PI4KA: variants seen among roughly 807,000 people sequenced by gnomAD.
PI4KA encodes PI4-kinase alpha.
A neutral mutation model predicts 271.4 loss-of-function variants in PI4KA; 122 were observed. The ratio of observed to expected loss-of-function variants is 0.45; its 90% CI spans 0.39 to 0.52. PI4KA has a LOEUF of 0.52. Ranked by LOEUF, PI4KA falls within the 20% of genes least tolerant of loss-of-function variation. PI4KA has a pLI of 0.00. For synonymous variants in PI4KA, 1,041 were observed against 1,078.8 expected, an observed-to-expected ratio of 0.96 and a Z score of 0.69; for missense variants, 1,969 against 2,769.1, an observed-to-expected ratio of 0.71 and a Z score of 6.48.
At chr22:20,771,470 G>T (rs187153456) in intron 19 of PI4KA, among the ~76,000 whole-genome samples, 1 of 151,920 alleles carries the variant, frequency 6.6e-6, no homozygotes, top group Admixed American at 6.6e-5. Flanking sequence ...ATGGGAAAAT[G>T]ACTGAAAAAT....
chr22:20,844,709 T>A (rs1926032311), intron 1 of PI4KA, among the ~76,000 whole-genome samples: 1 of 152,166 alleles, frequency 6.6e-6, no homozygotes, highest in Non-Finnish European at 1.5e-5. Context: ...ATTCTCCAAA[T>A]AATGACAGCT....
intron 17 of PI4KA, among the ~76,000 whole-genome samples, chr22:20,796,588 T>C (rs1016074526): frequency 6.6e-6 from 1 of 152,258 alleles, no homozygotes; most frequent in African/African-American, 2.4e-5. Context: ...GTTCTAGGCA[T>C]CTGCAACACT....
intron 16 of PI4KA, 144 bp from the exon 17 acceptor site, chr22:20,798,831 T>C: frequency 1.5e-6 from 1 of 655,520 alleles, no homozygotes; most frequent in South Asian, 1.8e-5. Flanking sequence ...TCTAAAGCTT[T>C]AATCAAACCT....
chr22:20,845,968 C>T (rs1033631272), intron 1 of PI4KA, among the ~76,000 whole-genome samples: 15 of 152,166 alleles, frequency 9.9e-5, no homozygotes, highest in Non-Finnish European at 1.3e-4. Flanking sequence ...GATTAAGATA[C>T]GAAAATCAGC....
chr22:20,770,582 A>G (rs1406830569), intron 19 of PI4KA, among the ~76,000 whole-genome samples: 2 of 4,008 alleles, frequency 5.0e-4, no homozygotes. Context: ...GGACACGGAC[A>G]CACACACACA....
At chr22:20,708,139 A>C in intron 54 of PI4KA, 41 bp from the exon 55 acceptor site, 1 of 1,568,522 alleles carries the variant, frequency 6.4e-7, no homozygotes, top group African/African-American at 1.3e-5. Context: ...TCGAGGAGCC[A>C]GCAGGGTCTG....
chr22:20,775,993 G>A (rs1381855581), intron 19 of PI4KA, among the ~76,000 whole-genome samples: 1 of 152,194 alleles, frequency 6.6e-6, no homozygotes, highest in East Asian at 1.9e-4. Flanking sequence ...TTCAGAAACT[G>A]GGCCCAGTTC....
At chr22:20,822,192 G>A (rs1166689214) in intron 4 of PI4KA, among the ~76,000 whole-genome samples, 5 of 152,152 alleles carry the variant, frequency 3.3e-5, no homozygotes, top group African/African-American at 1.2e-4. Context: ...TTACAGGCAT[G>A]TGTCACTATG....
chr22:20,792,439 C>T (rs567182971), intron 19 of PI4KA, among the ~76,000 whole-genome samples: 1 of 152,274 alleles, frequency 6.6e-6, no homozygotes, highest in East Asian at 1.9e-4. Flanking sequence ...GAAGGGGACA[C>T]ATGCAAGTGC....
At chr22:20,773,282 G>A (rs1932980024) in intron 19 of PI4KA, among the ~76,000 whole-genome samples, 1 of 128,412 alleles carries the variant, frequency 7.8e-6, no homozygotes, top group Non-Finnish European at 1.7e-5. Context: ...AGCCACTCAG[G>A]AGGCTGAGGC....
Position 20,764,866 on chromosome 22 carries a change from A to T in PI4KA, c.2659T>A (p.Phe887Ile), listed in dbSNP as rs758993595. Residue 887 changes from phenylalanine (F) to isoleucine (I), a missense_variant, in exon 22 of 55, where the codon TTC (phenylalanine) becomes ATC (isoleucine). Phe to Ile is a conservative substitution (Grantham distance 21). This residue lies in a region of PI4KA where 368 missense variants were observed against 544.3 expected (regional missense o/e 0.68). Transcript: ENST00000255882. ...GAGAGGAGGTAGGTGGACATGGCGAAGTCCAGCTTGTTGATGAGTGCGGAC... is the reference window on the plus strand; with the variant it reads ...GAGAGGAGGTAGGTGGACATGGCGATGTCCAGCTTGTTGATGAGTGCGGAC... ...EVSALINKLDFAMSTYLLSVY... is the reference protein window; with the variant it reads ...EVSALINKLDIAMSTYLLSVY... 1.9e-6 allele frequency: 3 copies of T among 1,613,686 alleles called. No individual in the cohort carries two copies. Among genetic ancestry groups the T allele is most frequent in the Non-Finnish European group, 2.5e-6 (3 of 1,179,762 alleles).
chr22:20,742,110 T>G, intron 32 of PI4KA, 118 bp downstream of exon 32: 6 of 1,004,530 alleles, frequency 6.0e-6, no homozygotes, highest in Non-Finnish European at 8.9e-6. Context: ...GACTGAGGCT[T>G]GAGAAGGTGA....
chr22:20,821,651 G>A (rs1922698137), intron 4 of PI4KA, among the ~76,000 whole-genome samples: 1 of 151,860 alleles, frequency 6.6e-6, no homozygotes, highest in Non-Finnish European at 1.5e-5. Flanking sequence ...GCAGTGCAAT[G>A]GCATGTCTCG....
At chr22:20,779,744 G>C (rs1463356099) in intron 19 of PI4KA, 1 of 1,614,052 alleles carries the variant, frequency 6.2e-7, no homozygotes, top group Non-Finnish European at 8.5e-7. Flanking sequence ...TGAAAGACCA[G>C]GTCAACACTT....
At chr22:20,762,160 G>A (rs1226259165) in intron 22 of PI4KA, among the ~76,000 whole-genome samples, 1 of 152,206 alleles carries the variant, frequency 6.6e-6, no homozygotes, top group Non-Finnish European at 1.5e-5. Context: ...CATGGGTGCT[G>A]TGAAGGGCTG....
At position 20,820,611 on chromosome 22, in the gene PI4KA, T is replaced by C. The variant is rs760773781; in HGVS notation, c.457A>G (p.Ile153Val). Reference protein sequence around the residue: ...AYRDPSLRDEILEVLLQVLHV... With the variant: ...AYRDPSLRDEVLEVLLQVLHV... ...AAAACCTGCAAAAGCACCTCTAAAA[T>C]CTGTAACAGTCAAGGAAACAAGAAA... The change falls in exon 5 of 55, where the codon ATT becomes GTT. Residue 153 changes from isoleucine to valine, a missense_variant and splice_region_variant. Ile to Val is a conservative substitution (Grantham distance 29, BLOSUM62 3). This residue lies in a region of PI4KA where 540 missense variants were observed against 555.5 expected (regional missense o/e 0.97). Transcript: ENST00000255882. The C allele has an allele frequency of 5.6e-6, 9 of 1,595,132 alleles. No homozygotes were observed. The highest frequency in any genetic ancestry group is 6.0e-6 in the Non-Finnish European group (7 of 1,167,802).
Position 20,740,186 on chromosome 22 carries a change from T to C in PI4KA, c.3741+2042A>G, listed in dbSNP as rs573052657. On this transcript the variant is annotated intron_variant, in intron 32 of 54. Coordinates refer to ENST00000255882, the MANE Select transcript of PI4KA (RefSeq NM_058004.4). ...GTTTTCTAGACCTGAGAATTGTATCTGAAATAAAAAATATACAAGATGGTT... is the reference window on the plus strand; with the variant it reads ...GTTTTCTAGACCTGAGAATTGTATCCGAAATAAAAAATATACAAGATGGTT... 9.3e-5 allele frequency among the ~76,000 whole-genome samples: 14 copies of C among 151,230 alleles called. No individual in the cohort carries two copies. In the East Asian group the frequency reaches 1.9e-3, roughly 21 times the overall value.
intron 36 of PI4KA, 102 bp from the exon 37 acceptor site, chr22:20,730,113 A>G: frequency 1.5e-6 from 2 of 1,353,322 alleles, no homozygotes; most frequent in South Asian, 1.4e-5. Flanking sequence ...TTAGTGGCAG[A>G]GCAGGCATTT....
At chr22:20,856,437 CTTTT>C (rs362093) in intron 1 of PI4KA, among the ~76,000 whole-genome samples, 4 of 136,884 alleles carry the variant, frequency 2.9e-5, no homozygotes, top group Middle Eastern at 3.3e-3. Flanking sequence ...TAATCTTTTT[CTTTT>C]TTTTTTTTTT....
Sources: gnomAD v4.1 joint callset for allele counts (sites outside exome capture counted in the v4.1 genomes callset) on GRCh38, gnomAD v4.1.1 for gene constraint, gnomAD v4.1.1 regional missense constraint, MANE v1.5 for transcripts, NCBI Gene and HGNC (gene_info 2026-07-23, HGNC 2026-07-21) for gene names.